Variants in KCNT2 observed in about 807,000 individuals in gnomAD.
KCNT2 encodes the protein potassium sodium-activated channel subfamily T member 2, also known as potassium channel subfamily T member 2.
Under a neutral mutation model 153.8 loss-of-function variants are expected in KCNT2, and 67 were observed. The observed-to-expected ratio is 0.44, with a 90% CI of 0.36 to 0.53. The LOEUF (loss-of-function observed/expected upper bound fraction) is 0.53. Among genes scored for constraint, KCNT2 ranks in the 20% least tolerant of loss-of-function variants. The pLI, the probability that KCNT2 is intolerant of heterozygous loss-of-function variation, is 0.00. For synonymous variants in KCNT2, 500 were observed against 458.8 expected, an observed-to-expected ratio of 1.09 and a Z score of -1.15; for missense variants, 975 against 1,354.8, an observed-to-expected ratio of 0.72 and a Z score of 4.40.
intron 14 of KCNT2, among the ~76,000 whole-genome samples, 192 bp from the exon 15 acceptor site, chr1:196,342,420 CTATATATATA>C (rs71154738): frequency 0.042 from 5,567 of 132,724 alleles, 174 homozygotes; most frequent in South Asian, 0.082. Flanking sequence ...ATTTTGAATA[CTATATATATA>C]TATATATATA....
intron 13 of KCNT2, among the ~76,000 whole-genome samples, chr1:196,394,017 A>T (rs142911643): frequency 6.6e-6 from 1 of 151,628 alleles, no homozygotes; most frequent in African/African-American, 2.4e-5. Flanking sequence ...CTCTCACTGG[A>T]AAAAAAATGA....
At chr1:196,489,989 G>T in intron 2 of KCNT2, 52 bp from the exon 3 acceptor site, 1 of 792,132 alleles carries the variant, frequency 1.3e-6, no homozygotes, top group Non-Finnish European at 2.0e-6. Flanking sequence ...GTTCACAAAA[G>T]ACTAAAAAGA....
intron 1 of KCNT2, among the ~76,000 whole-genome samples, chr1:196,530,164 A>G (rs1407318437): frequency 6.6e-6 from 1 of 152,030 alleles, no homozygotes; most frequent in Non-Finnish European, 1.5e-5. Flanking sequence ...AAGAAAATAT[A>G]TATATGTATA....
At chr1:196,257,845 C>T (rs899538907) in intron 26 of KCNT2, 1 of 985,130 alleles carries the variant, frequency 1.0e-6, no homozygotes, top group Non-Finnish European at 1.2e-6. Flanking sequence ...CATTTTATCT[C>T]AGGCACTAGA....
At chr1:196,516,686 C>T (rs1245405843) in intron 1 of KCNT2, among the ~76,000 whole-genome samples, 1 of 152,142 alleles carries the variant, frequency 6.6e-6, no homozygotes, top group Non-Finnish European at 1.5e-5. Flanking sequence ...CTGGGTGGGA[C>T]CTGTCAAGCA....
At chr1:196,434,185 A>G (rs1222492589) in intron 8 of KCNT2, among the ~76,000 whole-genome samples, 2 of 152,062 alleles carry the variant, frequency 1.3e-5, no homozygotes, top group African/African-American at 4.8e-5. Context: ...GGAATTGTAT[A>G]ACACTTCTGT....
intron 26 of KCNT2, among the ~76,000 whole-genome samples, chr1:196,237,503 T>C (rs1448872502): frequency 6.6e-6 from 1 of 151,764 alleles, no homozygotes; most frequent in African/African-American, 2.4e-5. Flanking sequence ...TATCATGCCA[T>C]AGTGTTAGGG....
In KCNT2 at chr1:196,592,291, T is replaced by C. The variant is rs1159155739; in HGVS notation, c.95+15924A>G. ...CATCTTTTCACTTATTTGTGGGATC[T>C]AAAAATCAAAACAACTGAAGTCATG... On this transcript the variant is annotated intron_variant, in intron 1 of 27. Coordinates refer to ENST00000294725, the MANE Select transcript of KCNT2 (RefSeq NM_198503.5). 2.0e-5 allele frequency among the ~76,000 whole-genome samples: 3 copies of C among 151,888 alleles called. No individual in the cohort carries two copies. In the East Asian group the frequency reaches 5.8e-4, roughly 29 times the overall value.
At chr1:196,257,515 G>A in intron 26 of KCNT2, 2 of 964,102 alleles carry the variant, frequency 2.1e-6, no homozygotes, top group South Asian at 9.6e-5. Context: ...GTTTTCCTTT[G>A]ACTGGACTAA....
chr1:196,340,479 T>C lies in KCNT2; in HGVS notation c.1645A>G (p.Ile549Val), dbSNP rs1463351946. Residue 549 changes from isoleucine (I) to valine (V), a missense_variant, in exon 16 of 28, where the codon ATA (isoleucine) becomes GTA (valine). By Grantham distance (29) the Ile-to-Val change is conservative. Around this residue, in one of 6 missense-constraint regions of KCNT2, gnomAD observed 325 missense variants for 388.1 expected, o/e 0.84. Coordinates refer to ENST00000294725, the MANE Select transcript of KCNT2 (RefSeq NM_198503.5). Reference protein sequence around the residue: ...GPRYIMNSTDICFYINITKEE... With the variant: ...GPRYIMNSTDVCFYINITKEE... ...TTGGTAATATTAATATAAAAGCATA[T>C]GTCTGTAGAATTCATAATGTATCGA... 1.2e-6 allele frequency: 2 copies of C among 1,611,644 alleles called. No individual in the cohort carries two copies. The highest frequency in any genetic ancestry group is 1.7e-5 in the Admixed American group (1 of 59,848).
intron 14 of KCNT2, among the ~76,000 whole-genome samples, chr1:196,371,266 C>T: frequency 7.4e-6 from 1 of 134,606 alleles, no homozygotes; most frequent in East Asian, 2.3e-4. Context: ...CATGGTGGTT[C>T]ATGACTATAG....
chr1:196,402,235 A>G (rs986894385), intron 12 of KCNT2, among the ~76,000 whole-genome samples: 1 of 151,656 alleles, frequency 6.6e-6, no homozygotes, highest in African/African-American at 2.4e-5. Flanking sequence ...AACTTCAGAA[A>G]TAAAACAAGA....
chr1:196,369,804 A>C (rs943912819), intron 14 of KCNT2, among the ~76,000 whole-genome samples: 2 of 152,090 alleles, frequency 1.3e-5, no homozygotes, highest in African/African-American at 4.8e-5. Context: ...ATGTGTCTTT[A>C]TAGCAGCATG....
chr1:196,432,636 C>T (rs1674264567), intron 8 of KCNT2, among the ~76,000 whole-genome samples: 1 of 152,072 alleles, frequency 6.6e-6, no homozygotes, highest in Non-Finnish European at 1.5e-5. Context: ...TATTTCTCCC[C>T]TTTGGAATAA....
chr1:196,557,981 T>C (rs746605926), intron 1 of KCNT2, among the ~76,000 whole-genome samples: 35 of 151,330 alleles, frequency 2.3e-4, no homozygotes, highest in Non-Finnish European at 4.3e-4. Context: ...ATGTGAGAAG[T>C]TGCACAACCT....
chr1:196,417,698 A>G (rs1672865836), intron 12 of KCNT2, among the ~76,000 whole-genome samples: 3 of 152,174 alleles, frequency 2.0e-5, no homozygotes, highest in Middle Eastern at 3.4e-3. Context: ...TCACTTAGCG[A>G]TGGGGATATA....
chr1:196,442,702 A>G (rs919870384), intron 8 of KCNT2, among the ~76,000 whole-genome samples: 6 of 151,856 alleles, frequency 4.0e-5, no homozygotes, highest in South Asian at 4.1e-4. Flanking sequence ...CAAAACAACA[A>G]CAACAGGACT....
intron 8 of KCNT2, among the ~76,000 whole-genome samples, chr1:196,438,492 A>C (rs1674929745): frequency 2.0e-5 from 3 of 151,912 alleles, no homozygotes. Context: ...CTCCAAAAAA[A>C]GAAGAGTTAG....
chr1:196,600,796 G>A (rs1344624796), intron 1 of KCNT2, among the ~76,000 whole-genome samples: 1 of 152,114 alleles, frequency 6.6e-6, no homozygotes, highest in African/African-American at 2.4e-5. Flanking sequence ...CACACCACCA[G>A]CACTTCTACT....
Sources: allele counts gnomAD v4.1 joint callset (sites outside exome capture counted in the v4.1 genomes callset), GRCh38; gene constraint gnomAD v4.1.1; regional missense constraint gnomAD v4.1.1; transcripts MANE v1.5; gene names NCBI Gene and HGNC (gene_info 2026-07-23, HGNC 2026-07-21).